CDH20: variants seen among roughly 807,000 people sequenced by gnomAD.
CDH20 encodes cadherin 20, also known as cadherin-20.
In CDH20, 29 loss-of-function variants were observed where a neutral mutation model predicts 74.2. The observed-to-expected ratio is 0.39, with a 90% CI of 0.29 to 0.53. CDH20 has a LOEUF of 0.53. Among genes scored for constraint, CDH20 ranks in the 20% least tolerant of loss-of-function variants. The pLI is 0.69. For missense variants in CDH20, 988 were observed against 1,048.3 expected, an observed-to-expected ratio of 0.94 and a Z score of 0.79; for synonymous variants, 469 against 405.4, an observed-to-expected ratio of 1.16 and a Z score of -1.88.
At chr18:61,502,096 G>C (rs1388191837) in intron 4 of CDH20, among the ~76,000 whole-genome samples, 1 of 152,212 alleles carries the variant, frequency 6.6e-6, no homozygotes, top group Non-Finnish European at 1.5e-5. Flanking sequence ...CTAGCCAAGA[G>C]TCATGTTGTA....
At chr18:61,412,225 G>T (rs1402769678) in intron 1 of CDH20, among the ~76,000 whole-genome samples, 1 of 151,940 alleles carries the variant, frequency 6.6e-6, no homozygotes, top group Non-Finnish European at 1.5e-5. Flanking sequence ...TCACTGAAAT[G>T]GAAATACAAA....
At chr18:61,453,548 A>G (rs893540573) in intron 1 of CDH20, among the ~76,000 whole-genome samples, 28 of 152,084 alleles carry the variant, frequency 1.8e-4, no homozygotes, top group African/African-American at 5.1e-4. Flanking sequence ...CAAAGTGCTG[A>G]GATTACAGGC....
chr18:61,467,936 T>A (rs1220495280), intron 1 of CDH20, among the ~76,000 whole-genome samples: 1 of 152,194 alleles, frequency 6.6e-6, no homozygotes, highest in East Asian at 1.9e-4. Flanking sequence ...TCACATATAG[T>A]GACTTATGTA....
At chr18:61,388,049 C>T (rs1029270429) in intron 1 of CDH20, among the ~76,000 whole-genome samples, 21 of 152,040 alleles carry the variant, frequency 1.4e-4, no homozygotes, top group African/African-American at 4.8e-4. Flanking sequence ...TTATAGCTAG[C>T]TATACGGTAG....
At position 61,486,888 on chromosome 18, in the gene CDH20, G is replaced by A. The variant is rs117170814; in HGVS notation, c.-152-3514G>A. On this transcript the variant is annotated intron_variant, in intron 1 of 11. Coordinates refer to ENST00000262717, the MANE Select transcript of CDH20 (RefSeq NM_031891.4). ...AAAAGCTCAGGAAAACTGGAATAAT[G>A]AGGAAAGAAATCAGAGCAAGACCAT... 8.0e-3 allele frequency among the ~76,000 whole-genome samples: 1,215 copies of A among 152,252 alleles called. 5 individuals carry two copies. Among genetic ancestry groups the A allele is most frequent in the Non-Finnish European group, 0.012 (847 of 68,030 alleles).
chr18:61,460,547 A>G (rs927426982), intron 1 of CDH20, among the ~76,000 whole-genome samples: 1 of 152,166 alleles, frequency 6.6e-6, no homozygotes. Flanking sequence ...TTACTCAGCT[A>G]ATCACATCTC....
intron 1 of CDH20, among the ~76,000 whole-genome samples, chr18:61,344,488 T>G (rs1175658509): frequency 6.6e-6 from 1 of 152,186 alleles, no homozygotes; most frequent in Non-Finnish European, 1.5e-5. Context: ...ATGCACTATT[T>G]AATTTGAAAT....
At chr18:61,524,822 G>A (rs898284541) in intron 6 of CDH20, among the ~76,000 whole-genome samples, 11 of 152,126 alleles carry the variant, frequency 7.2e-5, no homozygotes, top group Admixed American at 4.6e-4. Flanking sequence ...TTGGGAGGCT[G>A]AGGCAGAAGA....
chr18:61,452,297 T>C (rs1458535265), intron 1 of CDH20, among the ~76,000 whole-genome samples: 1 of 152,214 alleles, frequency 6.6e-6, no homozygotes, highest in Non-Finnish European at 1.5e-5. Flanking sequence ...TTATCACAGA[T>C]GTTTTATCAC....
In CDH20 at chr18:61,424,448, T is replaced by C. The variant is rs529002835; in HGVS notation, c.-152-65954T>C. Among the ~76,000 whole-genome samples the C allele has an allele frequency of 3.9e-5, 6 of 152,352 alleles. No homozygotes were observed. The South Asian group carries it at 1.2e-3, about 32-fold the overall frequency. On this transcript the variant is annotated intron_variant, in intron 1 of 11. Transcript: ENST00000262717. Reference sequence around the variant, plus strand: ...TTGGAAAGTATGGCAGTGTTAGCACTGATTATTATTTGTGCCTAAATTAGA... The same window carrying C: ...TTGGAAAGTATGGCAGTGTTAGCACCGATTATTATTTGTGCCTAAATTAGA...
Position 61,550,214 on chromosome 18 carries a change from A to G in CDH20, c.1885A>G (p.Ile629Val), listed in dbSNP as rs777474262. The stretch of plus-strand genomic sequence containing the variant: ...CGCCCTCATTGCCATCCTCGCCTGC[A>G]TCTTTGTCCTCTTAGGTGAGTAAGG... ...RGALIAILAC[I>V]FVLLVLVLLI... Residue 629 changes from isoleucine (I) to valine (V), a missense_variant, in exon 11 of 12, where the codon ATC becomes GTC. Coordinates refer to ENST00000262717, the MANE Select transcript of CDH20 (RefSeq NM_031891.4). 1.2e-6 allele frequency: 2 copies of G among 1,613,546 alleles called. No individual in the cohort carries two copies. The highest frequency in any genetic ancestry group is 1.7e-5 in the Admixed American group (1 of 60,016).
At chr18:61,542,743 C>G (rs558563031) in intron 9 of CDH20, among the ~76,000 whole-genome samples, 1 of 152,236 alleles carries the variant, frequency 6.6e-6, no homozygotes, top group African/African-American at 2.4e-5. Flanking sequence ...GCATCTGCAT[C>G]TAGGGAGGGC....
At chr18:61,364,608 A>G (rs1910801468) in intron 1 of CDH20, among the ~76,000 whole-genome samples, 1 of 152,136 alleles carries the variant, frequency 6.6e-6, no homozygotes, top group African/African-American at 2.4e-5. Context: ...CACTGTGCCC[A>G]GCTGTGAGTT....
chr18:61,414,940 T>C (rs1306901008), intron 1 of CDH20, among the ~76,000 whole-genome samples: 1 of 152,122 alleles, frequency 6.6e-6, no homozygotes, highest in Non-Finnish European at 1.5e-5. Flanking sequence ...ACTTCGTATT[T>C]CCAAACTGAA....
At chr18:61,358,858 G>C (rs58470820) in intron 1 of CDH20, among the ~76,000 whole-genome samples, 2 of 152,162 alleles carry the variant, frequency 1.3e-5, no homozygotes, top group East Asian at 3.9e-4. Flanking sequence ...TATATTCACT[G>C]GACTTTTGGT....
intron 3 of CDH20, among the ~76,000 whole-genome samples, chr18:61,499,899 C>T (rs1911304730): frequency 6.6e-6 from 1 of 151,878 alleles, no homozygotes; most frequent in South Asian, 2.1e-4. Context: ...TCCTGGCCAA[C>T]ATGGTGAAAC....
At chr18:61,438,296 G>A (rs1185171617) in intron 1 of CDH20, among the ~76,000 whole-genome samples, 2 of 152,044 alleles carry the variant, frequency 1.3e-5, no homozygotes. Flanking sequence ...TGTGTGCTTG[G>A]GTATGTGGGT....
intron 6 of CDH20, among the ~76,000 whole-genome samples, chr18:61,514,294 G>C (rs2144343523): frequency 6.6e-6 from 1 of 152,158 alleles, no homozygotes; most frequent in South Asian, 2.1e-4. Flanking sequence ...GATCGCATCA[G>C]CTCCTGAGGC....
chr18:61,385,327 T>C (rs1911558940), intron 1 of CDH20, among the ~76,000 whole-genome samples: 1 of 151,958 alleles, frequency 6.6e-6, no homozygotes, highest in Non-Finnish European at 1.5e-5. Context: ...GATTTAAACA[T>C]AGAAAAGAAA....
Sources: allele counts gnomAD v4.1 joint callset (sites outside exome capture counted in the v4.1 genomes callset), GRCh38; gene constraint gnomAD v4.1.1; transcripts MANE v1.5; gene names NCBI Gene and HGNC (gene_info 2026-07-23, HGNC 2026-07-21).